The following ITGB1 variants were observed in gnomAD, a reference collection of about 807,000 sequenced individuals.
The protein encoded by ITGB1 is integrin subunit beta 1.
Under a neutral mutation model 86.5 loss-of-function variants are expected in ITGB1, and 24 were observed. The observed-to-expected ratio is 0.28, with a 90% CI of 0.20 to 0.39. The LOEUF is 0.39. ITGB1 is among the 10% of genes least tolerant of loss of function. ITGB1 has a pLI of 1.00. For missense variants in ITGB1, 556 were observed against 946.9 expected, an observed-to-expected ratio of 0.59 and a Z score of 5.42; for synonymous variants, 323 against 316.8, an observed-to-expected ratio of 1.02 and a Z score of -0.21.
chr10:32,922,774 C>T, intron 7 of ITGB1, 39 bp from the exon 8 acceptor site: 1 of 1,108,688 alleles, frequency 9.0e-7, no homozygotes, highest in Non-Finnish European at 1.3e-6. Flanking sequence ...TTTAAATACA[C>T]CCTTATAATC....
At position 32,928,158 on chromosome 10, in the gene ITGB1, AT is replaced by A; in HGVS notation, c.482del (p.Asn161MetfsTer2). On this transcript the variant is annotated frameshift_variant, in exon 5 of 16. Transcript: ENST00000302278. LOFTEE classifies it high-confidence loss of function. ...TCAGATCTGTTCCAAGACTTTTTAC[AT>A]TCTCCAAATCGTCTTTCATTGAGTA... ...LSYSMKDDLE[N>X]VKSLGTDLMN... is the part of the protein sequence containing the mutation. The A allele has an allele frequency of 6.4e-7, 1 of 1,570,442 alleles. No homozygotes were observed. Among genetic ancestry groups the A allele is most frequent in the East Asian group, 2.2e-5 (1 of 44,664 alleles).
intron 5 of ITGB1, among the ~76,000 whole-genome samples, chr10:32,927,655 G>A (rs970101601): frequency 6.6e-6 from 1 of 152,092 alleles, no homozygotes; most frequent in Non-Finnish European, 1.5e-5. Flanking sequence ...TTAGTTGGGG[G>A]TGGTGGCAGA....
At chr10:32,957,100 A>C (rs2137276123) in intron 1 of ITGB1, among the ~76,000 whole-genome samples, 1 of 152,310 alleles carries the variant, frequency 6.6e-6, no homozygotes, top group Admixed American at 6.5e-5. Flanking sequence ...ATTAAATAAT[A>C]CATGTAAAAT....
chr10:32,911,601 G>C lies in ITGB1; in HGVS notation c.1778C>G (p.Ser593Cys), dbSNP rs1281690625. ...GGCTTCACAAGTACTAGTATCCAAA[G>C]AACAGTCACATGCACTGCCAGTGTA... ...PNYTGSACDC[S>C]LDTSTCEASN... The change falls in exon 13 of 16, where the codon TCT becomes TGT. Residue 593 changes from serine to cysteine, a missense_variant. By Grantham distance (112) the Ser-to-Cys change is moderately radical. Transcript: ENST00000302278. 6.2e-7 allele frequency: 1 copy of C among 1,614,102 alleles called. No individual in the cohort carries two copies. The highest frequency in any genetic ancestry group is 8.5e-7 in the Non-Finnish European group (1 of 1,180,038).
At position 32,929,894 on chromosome 10, in the gene ITGB1, T is replaced by C; in HGVS notation, c.304A>G (p.Thr102Ala). Reference sequence around the variant, plus strand: ...TCCTCTGGCTTGAGCTTCTCTGCTGTTCCTTTGCTACGGTTGGTTACATTT... The same window carrying C: ...TCCTCTGGCTTGAGCTTCTCTGCTGCTCCTTTGCTACGGTTGGTTACATTT... ...NKNVTNRSKG[T>A]AEKLKPEDIT... The change falls in exon 4 of 16, where the codon ACA (threonine) becomes GCA (alanine). Residue 102 changes from threonine (T) to alanine (A), a missense_variant. Physicochemically the swap from Thr to Ala is moderately conservative, Grantham distance 58 (BLOSUM62 0). Around this residue, in one of 4 missense-constraint regions of ITGB1, gnomAD observed 183 missense variants for 263.9 expected, o/e 0.69. Transcript: ENST00000302278. 1 of 1,613,094 alleles carries C rather than the reference T, an allele frequency of 6.2e-7. No individual in the cohort carries two copies. The highest frequency in any genetic ancestry group is 8.5e-7 in the Non-Finnish European group (1 of 1,179,020).
chr10:32,911,857 C>T (rs2094914492), intron 12 of ITGB1, 29 bp downstream of exon 12: 3 of 1,571,340 alleles, frequency 1.9e-6, no homozygotes, highest in Non-Finnish European at 2.6e-6. Context: ...GGGATCACAT[C>T]TTACAACCAC....
chr10:32,940,725 G>A (rs1462973873), intron 1 of ITGB1, among the ~76,000 whole-genome samples: 5 of 152,162 alleles, frequency 3.3e-5, no homozygotes, highest in African/African-American at 4.8e-5. Flanking sequence ...GCATTCATTC[G>A]TTCATCACTC....
At chr10:32,934,874 C>T (rs552073573) in intron 2 of ITGB1, among the ~76,000 whole-genome samples, 4 of 152,228 alleles carry the variant, frequency 2.6e-5, no homozygotes, top group African/African-American at 9.6e-5. Context: ...CTTTCTTTTA[C>T]GGTCTCCTGC....
chr10:32,928,227 A>G lies in ITGB1; in HGVS notation c.414T>C (p.Ala138=), dbSNP rs1028905719. ...AGTAGAGGTCAATGGGATAGTCTTC[A>G]GCTCTCTTGAATTTTAATGTAAATG... ...PQTFTLKFKR[A]EDYPIDLYYL... Residue 138 remains alanine (A), a synonymous_variant, in exon 5 of 16, where the codon GCT becomes GCC. Transcript: ENST00000302278. 2 of 921,592 alleles carry G rather than the reference A, an allele frequency of 2.2e-6. No individual in the cohort carries two copies. The highest frequency in any genetic ancestry group is 1.7e-5 in the Admixed American group (1 of 58,086). 57.1% of individuals were successfully genotyped at this position (921,592 alleles called of 1,614,324 possible).
intron 1 of ITGB1, among the ~76,000 whole-genome samples, chr10:32,945,598 CA>C (rs139599452): frequency 3.4e-5 from 5 of 144,946 alleles, no homozygotes; most frequent in Admixed American, 6.9e-5. Context: ...GACTCTGTCT[CA>C]AAAAAAAAAG....
At chr10:32,932,427 A>C (rs761791496) in intron 3 of ITGB1, 88 bp downstream of exon 3, 22 of 775,216 alleles carry the variant, frequency 2.8e-5, no homozygotes, top group Non-Finnish European at 4.8e-5. Flanking sequence ...TTTACATAAA[A>C]ATTAATATGT....
chr10:32,955,567 T>C (rs573392252), intron 1 of ITGB1: 1 of 152,306 alleles, frequency 6.6e-6, no homozygotes, highest in Non-Finnish European at 1.5e-5. Flanking sequence ...AGCCATAACT[T>C]ACTTATCAAG....
At chr10:32,924,752 G>A (rs3780873) in intron 6 of ITGB1, among the ~76,000 whole-genome samples, 9,691 of 152,210 alleles carry the variant, frequency 0.064, 511 homozygotes, top group South Asian at 0.25. Flanking sequence ...TACTTGCTTC[G>A]GCTATAACAG....
rs2094953960 is a variant in ITGB1 at position 32,922,720 on chromosome 10, C to A, written c.958G>T (p.Ala320Ser). 4 of 1,587,272 alleles carry A rather than the reference C, an allele frequency of 2.5e-6. No homozygotes were observed. Among genetic ancestry groups the A allele is most frequent in the Non-Finnish European group, 3.5e-6 (4 of 1,158,802 alleles). ...MSHYYDYPSI[A>S]HLVQKLSENN... ...TCACTCAGTTTCTGGACAAGGTGAG[C>A]AATAGAAGGATAATCCTAAGAAATC... Residue 320 changes from alanine (A) to serine (S), a missense_variant, in exon 8 of 16, where the codon GCT becomes TCT. By Grantham distance (99) the Ala-to-Ser change is moderately conservative. Coordinates refer to ENST00000302278, the MANE Select transcript of ITGB1 (RefSeq NM_002211.4).
intron 1 of ITGB1, among the ~76,000 whole-genome samples, chr10:32,941,061 G>T (rs965998600): frequency 6.6e-6 from 1 of 152,152 alleles, no homozygotes; most frequent in Non-Finnish European, 1.5e-5. Flanking sequence ...AATCTGCCTG[G>T]ACAAGTTCAG....
chr10:32,949,799 ACT>A (rs955585629), intron 1 of ITGB1, among the ~76,000 whole-genome samples: 42 of 152,208 alleles, frequency 2.8e-4, no homozygotes, highest in African/African-American at 8.9e-4. Flanking sequence ...TTAAATACAC[ACT>A]CATTATTTAT....
At chr10:32,921,496 C>T (rs1353448694) in intron 9 of ITGB1, among the ~76,000 whole-genome samples, 1 of 152,102 alleles carries the variant, frequency 6.6e-6, no homozygotes, top group African/African-American at 2.4e-5. Flanking sequence ...GTAAAAATGT[C>T]TAAAATTCAA....
chr10:32,947,696 G>A lies in ITGB1; in HGVS notation c.-1+10449C>T, dbSNP rs544943617. Among the ~76,000 whole-genome samples the A allele has an allele frequency of 7.0e-4, 107 of 152,152 alleles. 1 individual carries two copies. Among genetic ancestry groups the A allele is most frequent in the African/African-American group, 2.5e-3 (102 of 41,518 alleles). ...ATAAAAACAACTGGAGATACTCTGA[G>A]GTATCAAAAAATAAAACACTGAGCT... On this transcript the variant is annotated intron_variant, in intron 1 of 15. Coordinates refer to ENST00000302278, the MANE Select transcript of ITGB1 (RefSeq NM_002211.4).
chr10:32,912,993 G>C (rs1042045547), intron 11 of ITGB1, among the ~76,000 whole-genome samples: 3 of 152,184 alleles, frequency 2.0e-5, no homozygotes, highest in Non-Finnish European at 4.4e-5. Context: ...AGCAACATTT[G>C]CCATTCTGCA....
Sources: allele counts gnomAD v4.1 joint callset (sites outside exome capture counted in the v4.1 genomes callset), GRCh38; gene constraint gnomAD v4.1.1; regional missense constraint gnomAD v4.1.1; transcripts MANE v1.5; gene names NCBI Gene and HGNC (gene_info 2026-07-23, HGNC 2026-07-21).